The following KIF20A variants were observed in gnomAD, a reference collection of about 807,000 sequenced individuals.
The protein encoded by KIF20A is kinesin-like protein KIF20A.
In KIF20A, 66 loss-of-function variants were observed where a neutral mutation model predicts 113.0. That is an observed-to-expected ratio of 0.58 (90% CI 0.48 to 0.72). The LOEUF (loss-of-function observed/expected upper bound fraction) is 0.72, where lower values mean the gene tolerates loss of function less well. KIF20A is among the 30% of genes least tolerant of loss of function. The probability of loss-of-function intolerance (pLI) is 0.00; values close to 1 mark genes in which losing one functional copy is unlikely to be tolerated. For missense variants in KIF20A, 927 were observed against 1,077.6 expected (o/e 0.86, Z 1.96); for synonymous variants, 376 against 402.3 (o/e 0.93, Z 0.78).
At position 138,184,866 on chromosome 5, in the gene KIF20A, G is replaced by A. The variant is rs767471451; in HGVS notation, c.1743G>A (p.Lys581=). 1 of 1,614,196 alleles carries A rather than the reference G, an allele frequency of 6.2e-7. No homozygotes were observed. Among genetic ancestry groups the A allele is most frequent in the South Asian group, 1.1e-5 (1 of 91,090 alleles). The change falls in exon 14 of 19, where the codon AAG becomes AAA. Residue 581 remains lysine (K), a synonymous_variant. Coordinates refer to ENST00000394894, the MANE Select transcript of KIF20A (RefSeq NM_005733.3). ...KTLLLKERQE[K]LQLEMHLRDE... ...TGCTTTTGAAGGAACGACAGGAAAA[G>A]CTACAGCTGGAGATGCATCTCCGAG...
At position 138,187,373 on chromosome 5, in the gene KIF20A, C is replaced by T. The variant is rs755338682; in HGVS notation, c.2633C>T (p.Ser878Phe). 6.2e-7 allele frequency: 1 copy of T among 1,614,066 alleles called. No homozygotes were observed. Among genetic ancestry groups the T allele is most frequent in the Non-Finnish European group, 8.5e-7 (1 of 1,179,954 alleles). The change falls in exon 19 of 19, where the codon TCC (serine) becomes TTC (phenylalanine). Residue 878 changes from serine to phenylalanine, a missense_variant. By Grantham distance (155) the Ser-to-Phe change is radical. Transcript: ENST00000394894. ...GCCCGGATCCTACGCTCACGGCGTT[C>T]CCCTTTACTCAAATCTGGGCCTTTT... ...PYARILRSRR[S>F]PLLKSGPFGK...
Position 138,183,822 on chromosome 5 carries a change from A to G in KIF20A, c.1208+66A>G. The stretch of plus-strand genomic sequence containing the variant: ...AATGATAGTTGGGAAAGCATGGAGG[A>G]GGTCCTCAGGGGAACTATGTGTTCT... On this transcript the variant is annotated intron_variant, in intron 10 of 18. Transcript: ENST00000394894. The surrounding 1 kb of genome is among the most constrained non-coding windows in gnomAD (Gnocchi z 5.2). The G allele has an allele frequency of 6.4e-7, 1 of 1,566,160 alleles. No homozygotes were observed. Among genetic ancestry groups the G allele is most frequent in the Non-Finnish European group, 8.8e-7 (1 of 1,138,656 alleles).
intron 1 of KIF20A, chr5:138,179,423 T>G (rs2151230754): frequency 2.2e-6 from 1 of 454,466 alleles, no homozygotes; most frequent in Non-Finnish European, 4.0e-6. Context: ...GCCTTCTGCT[T>G]TTGGAGCCAG....
Position 138,182,481 on chromosome 5 carries a change from G to T in KIF20A, c.514+20G>T. ...TTCAAGGTGAGTAGTAAGCCTTCAC[G>T]GGATTCCTGATTGGCTGGTAATGGT... On this transcript the variant is annotated intron_variant, in intron 5 of 18. Coordinates refer to ENST00000394894, the MANE Select transcript of KIF20A (RefSeq NM_005733.3). 1 of 1,613,060 alleles carries T rather than the reference G, an allele frequency of 6.2e-7. No individual in the cohort carries two copies. Among genetic ancestry groups the T allele is most frequent in the Non-Finnish European group, 8.5e-7 (1 of 1,179,438 alleles).
Position 138,183,808 on chromosome 5 carries a change from G to A in KIF20A, c.1208+52G>A, listed in dbSNP as rs757000489. 7.6e-6 allele frequency: 12 copies of A among 1,580,630 alleles called. No homozygotes were observed. Among genetic ancestry groups the A allele is most frequent in the African/African-American group, 1.3e-5 (1 of 74,102 alleles). On this transcript the variant is annotated intron_variant, in intron 10 of 18. Coordinates refer to ENST00000394894, the MANE Select transcript of KIF20A (RefSeq NM_005733.3). This position sits in a 1 kb window ranked among gnomAD's most constrained non-coding sequence, Gnocchi z 5.2. Reference sequence around the variant, plus strand: ...GCTTCTTGGCCATAAATGATAGTTGGGAAAGCATGGAGGAGGTCCTCAGGG... The same window carrying A: ...GCTTCTTGGCCATAAATGATAGTTGAGAAAGCATGGAGGAGGTCCTCAGGG...
chr5:138,183,573 C>A lies in KIF20A; in HGVS notation c.1131C>A (p.Ser377=). The A allele has an allele frequency of 6.2e-7, 1 of 1,614,002 alleles. No homozygotes were observed. The highest frequency in any genetic ancestry group is 8.5e-7 in the Non-Finnish European group (1 of 1,179,932). Residue 377 remains serine, a synonymous_variant, in exon 9 of 19, where the codon TCC becomes TCA. Transcript: ENST00000394894. The surrounding 1 kb of genome is among the most constrained non-coding windows in gnomAD (Gnocchi z 5.2). ...SFASTHLNQN[S]SRSHSIFSIR... The stretch of plus-strand genomic sequence containing the variant: ...CCAGCACCCACCTCAACCAGAACTC[C>A]AGCCGCAGGTGAGTAGATTGTAAGA...
In KIF20A at chr5:138,186,013, C is replaced by T. The variant is rs746766423; in HGVS notation, c.2178C>T (p.Phe726=). The change falls in exon 17 of 19, where the codon TTC becomes TTT. Residue 726 remains phenylalanine, a synonymous_variant. Coordinates refer to ENST00000394894, the MANE Select transcript of KIF20A (RefSeq NM_005733.3). ...MLEPPPSAKP[F]TIDVDKKLEE... is the part of the protein sequence containing the mutation. ...AACCACCACCCTCAGCCAAGCCCTT[C>T]ACCATTGATGTGGACAAGAAGTTAG... The T allele has an allele frequency of 1.5e-5, 25 of 1,614,010 alleles. No homozygotes were observed. The highest frequency in any genetic ancestry group is 2.7e-5 in the African/African-American group (2 of 74,946).
chr5:138,186,708 TTA>T (rs1033332579), intron 18 of KIF20A, among the ~76,000 whole-genome samples: 1 of 152,214 alleles, frequency 6.6e-6, no homozygotes, highest in Non-Finnish European at 1.5e-5. Context: ...TAAGAAACCA[TTA>T]TTTTATGTAC....
Position 138,182,672 on chromosome 5 carries a change from C to T in KIF20A, c.601C>T (p.Leu201=). 6.2e-7 allele frequency: 1 copy of T among 1,614,166 alleles called. No homozygotes were observed. Among genetic ancestry groups the T allele is most frequent in the Non-Finnish European group, 8.5e-7 (1 of 1,180,012 alleles). Residue 201 remains leucine (L), a synonymous_variant, in exon 6 of 19, where the codon CTG becomes TTG. Coordinates refer to ENST00000394894, the MANE Select transcript of KIF20A (RefSeq NM_005733.3). ...LQGQLHPTPD[L]KPLLSNEVIW... ...AGGCCAACTTCATCCAACACCTGAT[C>T]TGAAGCCCTTGCTCTCCAATGAGGT...
In KIF20A at chr5:138,182,347, G is replaced by C. The variant is rs756314386; in HGVS notation, c.400G>C (p.Ala134Pro). ...SQIFGPEVGQ[A>P]SFFNLTVKEM... ...GATCTTTGGGCCAGAAGTGGGACAGGCATCCTTCTTCAACCTAACTGTGAA... is the reference window on the plus strand; with the variant it reads ...GATCTTTGGGCCAGAAGTGGGACAGCCATCCTTCTTCAACCTAACTGTGAA... Residue 134 changes from alanine to proline, a missense_variant, in exon 5 of 19, where the codon GCA (alanine) becomes CCA (proline). Physicochemically the swap from Ala to Pro is conservative, Grantham distance 27 (BLOSUM62 -1). Transcript: ENST00000394894. 6 of 1,614,002 alleles carry C rather than the reference G, an allele frequency of 3.7e-6. No homozygotes were observed. Among genetic ancestry groups the C allele is most frequent in the Admixed American group, 1.7e-5 (1 of 59,970 alleles).
chr5:138,184,349 CATCTACCT>C lies in KIF20A; in HGVS notation c.1466_1473del (p.Ser489Ter). 6.2e-7 allele frequency: 1 copy of C among 1,614,220 alleles called. No individual in the cohort carries two copies. Among genetic ancestry groups the C allele is most frequent in the Non-Finnish European group, 8.5e-7 (1 of 1,180,044 alleles). On this transcript the variant is annotated frameshift_variant, in exon 12 of 19. Transcript: ENST00000394894. LOFTEE classifies it high-confidence loss of function. Reference sequence around the variant, plus strand: ...ATGATTGTCAATGTGAATCCCTGTGCATCTACCTATGATGAAACTCTTCATGTGGCCAA... The same window carrying C: ...ATGATTGTCAATGTGAATCCCTGTGCATGATGAAACTCTTCATGTGGCCAA...
Position 138,187,408 on chromosome 5 carries a change from T to C in KIF20A, c.2668T>C (p.Tyr890His). The C allele has an allele frequency of 6.2e-7, 1 of 1,611,622 alleles. No individual in the cohort carries two copies. Reference protein sequence around the residue: ...LLKSGPFGKKY With the variant: ...LLKSGPFGKKH ...CAAATCTGGGCCTTTTGGCAAAAAGTACTAAGGCTGTGGGGAAAGAGAAGA... is the reference window on the plus strand; with the variant it reads ...CAAATCTGGGCCTTTTGGCAAAAAGCACTAAGGCTGTGGGGAAAGAGAAGA... The change falls in exon 19 of 19, where the codon TAC (tyrosine) becomes CAC (histidine). Residue 890 changes from tyrosine to histidine, a missense_variant. Tyr to His is a moderately conservative substitution (Grantham distance 83, BLOSUM62 2). Transcript: ENST00000394894.
intron 4 of KIF20A, 128 bp from the exon 5 acceptor site, chr5:138,182,195 T>C (rs971924430): frequency 3.1e-6 from 3 of 972,302 alleles, no homozygotes; most frequent in African/African-American, 1.6e-5. Flanking sequence ...GCCAGCAGCA[T>C]TGCAGGAAGA....
At chr5:138,179,930 C>T (rs749600737) in intron 2 of KIF20A, 85 bp downstream of exon 2, 4 of 1,361,822 alleles carry the variant, frequency 2.9e-6, no homozygotes, top group Admixed American at 2.2e-5. Context: ...AGGTCAAAGA[C>T]TAGCAATCCT....
rs776713008 is a variant in KIF20A at position 138,181,380 on chromosome 5, G to T, written c.166-42G>T. 1.9e-6 allele frequency: 3 copies of T among 1,552,688 alleles called. No individual in the cohort carries two copies. In the East Asian group the frequency reaches 6.7e-5, roughly 35 times the overall value. ...TTTGCCCATTTGCTCAGAGGTAACT[G>T]CTGAAATTAATCTGTGGTTCTGGGC... is the stretch of plus-strand genomic sequence containing the variant. On this transcript the variant is annotated intron_variant, in intron 2 of 18. Transcript: ENST00000394894.
intron 13 of KIF20A, 42 bp downstream of exon 13, chr5:138,184,718 A>AAGG (rs757603965): frequency 1.4e-5 from 23 of 1,610,838 alleles, no homozygotes; most frequent in South Asian, 9.9e-5. Flanking sequence ...CTTAGTAGCT[A>AAGG]CACATTTTTC....
In KIF20A at chr5:138,183,805, T is replaced by C; in HGVS notation, c.1208+49T>C. 6.3e-7 allele frequency: 1 copy of C among 1,586,072 alleles called. No individual in the cohort carries two copies. Among genetic ancestry groups the C allele is most frequent in the Admixed American group, 1.7e-5 (1 of 59,688 alleles). ...TGGGCTTCTTGGCCATAAATGATAG[T>C]TGGGAAAGCATGGAGGAGGTCCTCA... On this transcript the variant is annotated intron_variant, in intron 10 of 18. Coordinates refer to ENST00000394894, the MANE Select transcript of KIF20A (RefSeq NM_005733.3). The surrounding 1 kb of genome is among the most constrained non-coding windows in gnomAD (Gnocchi z 5.2).
Position 138,184,062 on chromosome 5 carries a change from CT to C in KIF20A, c.1310del (p.Leu437ArgfsTer28), listed in dbSNP as rs1398586286. 6 of 1,614,080 alleles carry C rather than the reference CT, an allele frequency of 3.7e-6. No homozygotes were observed. The highest frequency in any genetic ancestry group is 5.1e-6 in the Non-Finnish European group (6 of 1,180,032). ...AGNINTSLHT[L>X]GRCIAALRQN... ...AAACATTAACACCTCTCTACACACC[CT>C]GGGCCGCTGTATTGCTGCCCTTCGT... On this transcript the variant is annotated frameshift_variant, in exon 11 of 19. Transcript: ENST00000394894. LOFTEE classifies it high-confidence loss of function.
intron 5 of KIF20A, 58 bp downstream of exon 5, chr5:138,182,519 T>A: frequency 6.2e-7 from 1 of 1,612,068 alleles, no homozygotes; most frequent in Non-Finnish European, 8.5e-7. Context: ...TGTTTTTACC[T>A]TTTGAGACTC....
Sources: gnomAD v4.1 joint callset for allele counts (sites outside exome capture counted in the v4.1 genomes callset) on GRCh38, gnomAD v4.1.1 for gene constraint, Gnocchi (gnomAD v3.1) non-coding constraint, MANE v1.5 for transcripts, NCBI Gene and HGNC (gene_info 2026-07-23, HGNC 2026-07-21) for gene names.